Variants in EPHA3 observed in about 807,000 individuals in gnomAD.
The protein encoded by EPHA3 is ephrin type-A receptor 3.
Under a neutral mutation model 107.1 loss-of-function variants are expected in EPHA3, and 42 were observed. The ratio of observed to expected loss-of-function variants is 0.39; its 90% CI spans 0.31 to 0.51. The LOEUF (loss-of-function observed/expected upper bound fraction) is 0.51, where lower values mean the gene tolerates loss of function less well. EPHA3 is among the 20% of genes least tolerant of loss of function. The probability of loss-of-function intolerance (pLI) is 0.78; values close to 1 mark genes in which losing one functional copy is unlikely to be tolerated. For synonymous variants in EPHA3, 461 were observed against 424.8 expected (o/e 1.09, Z -1.05); for missense variants, 1,183 against 1,211.2 (o/e 0.98, Z 0.35).
At chr3:89,357,436 C>T (rs1707991040) in intron 5 of EPHA3, among the ~76,000 whole-genome samples, 2 of 150,780 alleles carry the variant, frequency 1.3e-5, no homozygotes, top group Non-Finnish European at 3.0e-5. Context: ...TTGTGCATAC[C>T]ATAGATATTT....
chr3:89,175,487 C>A (rs1385843937), intron 2 of EPHA3, among the ~76,000 whole-genome samples: 2 of 151,992 alleles, frequency 1.3e-5, no homozygotes, highest in African/African-American at 2.4e-5. Flanking sequence ...TATTAAGACA[C>A]AGGAATTGAT....
In EPHA3 at chr3:89,236,215, T is replaced by A. The variant is rs200408146; in HGVS notation, c.814+25695T>A. On this transcript the variant is annotated intron_variant, in intron 3 of 16. Transcript: ENST00000336596. ...TATCATCTTGAGTAAACTAAGCCTT[T>A]CTTCTCCTAAATATATACCCCCCAA... Among the ~76,000 whole-genome samples the A allele has an allele frequency of 3.9e-5, 6 of 152,158 alleles. No homozygotes were observed. The East Asian group carries it at 1.2e-3, about 29-fold the overall frequency.
chr3:89,272,928 A>G (rs755211983), intron 3 of EPHA3, among the ~76,000 whole-genome samples: 1 of 151,944 alleles, frequency 6.6e-6, no homozygotes, highest in Admixed American at 6.6e-5. Context: ...GAAACCATGT[A>G]TCTCTGGCTT....
At chr3:89,296,637 C>T (rs189491596) in intron 3 of EPHA3, among the ~76,000 whole-genome samples, 87 of 152,216 alleles carry the variant, frequency 5.7e-4, no homozygotes, top group African/African-American at 2.1e-3. Flanking sequence ...TTCAGAATGG[C>T]AAATGTGTGT....
chr3:89,401,614 C>CTT (rs200505489), intron 7 of EPHA3, among the ~76,000 whole-genome samples: 12 of 152,042 alleles, frequency 7.9e-5, no homozygotes, highest in African/African-American at 2.7e-4. Flanking sequence ...CTCAAAATCT[C>CTT]TTTCTTTTTT....
chr3:89,477,408 G>T (rs1156716789), intron 16 of EPHA3, among the ~76,000 whole-genome samples: 2 of 152,146 alleles, frequency 1.3e-5, no homozygotes, highest in Admixed American at 1.3e-4. Flanking sequence ...CAGATGGTAG[G>T]AATTCAGTAG....
intron 2 of EPHA3, among the ~76,000 whole-genome samples, chr3:89,199,664 C>T (rs1705924732): frequency 6.6e-6 from 1 of 152,174 alleles, no homozygotes. Context: ...TCTTCCAAAA[C>T]TATTTTCACC....
At chr3:89,454,573 C>CA (rs1342959996) in intron 15 of EPHA3, among the ~76,000 whole-genome samples, 3 of 152,148 alleles carry the variant, frequency 2.0e-5, no homozygotes, top group African/African-American at 7.2e-5. Context: ...AAACTCCAAA[C>CA]ATTTTTTTTG....
intron 3 of EPHA3, among the ~76,000 whole-genome samples, chr3:89,227,682 C>T (rs1404229834): frequency 6.6e-6 from 1 of 151,854 alleles, no homozygotes. Context: ...ATAGCTTCAC[C>T]TGTGATTTCA....
chr3:89,132,816 A>G (rs917231754), intron 2 of EPHA3, among the ~76,000 whole-genome samples: 1 of 152,138 alleles, frequency 6.6e-6, no homozygotes, highest in Non-Finnish European at 1.5e-5. Context: ...CTTGAGCCCA[A>G]GAGTTCCAGG....
intron 5 of EPHA3, among the ~76,000 whole-genome samples, chr3:89,377,934 C>T (rs1304913119): frequency 1.3e-5 from 2 of 152,024 alleles, no homozygotes; most frequent in African/African-American, 4.8e-5. Context: ...AGTTTAACTA[C>T]CCCTTAATTC....
At chr3:89,245,540 A>G (rs998154300) in intron 3 of EPHA3, among the ~76,000 whole-genome samples, 3 of 152,218 alleles carry the variant, frequency 2.0e-5, no homozygotes, top group African/African-American at 7.2e-5. Flanking sequence ...ATAAAAAGAG[A>G]AAGAGAAATT....
rs1222658503 is a variant in EPHA3 at position 89,241,674 on chromosome 3, A to T, written c.814+31154A>T. ...CCATTTTAAAAATGAGAAAATCTAG[A>T]TGGTTTATCAGTCAGTTTCTTTTAT... On this transcript the variant is annotated intron_variant, in intron 3 of 16. Coordinates refer to ENST00000336596, the MANE Select transcript of EPHA3 (RefSeq NM_005233.6). Among the ~76,000 whole-genome samples the T allele has an allele frequency of 5.9e-5, 9 of 152,246 alleles. No homozygotes were observed. In the South Asian group the frequency reaches 1.7e-3, roughly 28 times the overall value.
chr3:89,127,090 T>C (rs1301952410), intron 1 of EPHA3, 119 bp from the exon 2 acceptor site: 2 of 747,986 alleles, frequency 2.7e-6, no homozygotes, highest in Admixed American at 2.5e-5. Context: ...AGACTTATAA[T>C]GAGAAGGAAG....
chr3:89,146,967 A>C (rs907454868), intron 2 of EPHA3, among the ~76,000 whole-genome samples: 1 of 151,982 alleles, frequency 6.6e-6, no homozygotes, highest in African/African-American at 2.4e-5. Flanking sequence ...CTGGATAAGG[A>C]AAATGTGGTA....
At chr3:89,115,533 G>A (rs1475581315) in intron 1 of EPHA3, among the ~76,000 whole-genome samples, 1 of 152,102 alleles carries the variant, frequency 6.6e-6, no homozygotes. Flanking sequence ...GGCTGTGTTA[G>A]AACTTCAGTC....
At chr3:89,319,540 G>C (rs1437225978) in intron 3 of EPHA3, among the ~76,000 whole-genome samples, 1 of 151,860 alleles carries the variant, frequency 6.6e-6, no homozygotes, top group East Asian at 1.9e-4. Flanking sequence ...ACAAACAGGA[G>C]AGCTGCGTAG....
intron 3 of EPHA3, among the ~76,000 whole-genome samples, chr3:89,300,867 AG>A (rs1385957864): frequency 4.6e-5 from 7 of 152,168 alleles, no homozygotes; most frequent in African/African-American, 1.4e-4. Context: ...CCTGTTCTCT[AG>A]AGATCTCTGA....
At chr3:89,342,182 A>G in intron 5 of EPHA3, 92 bp downstream of exon 5, 2 of 1,141,180 alleles carry the variant, frequency 1.8e-6, no homozygotes, top group Middle Eastern at 2.9e-4. Context: ...AAGGAAAAAA[A>G]GATTTTATAG....
Sources: allele counts gnomAD v4.1 joint callset (sites outside exome capture counted in the v4.1 genomes callset), GRCh38; gene constraint gnomAD v4.1.1; transcripts MANE v1.5; gene names NCBI Gene and HGNC (gene_info 2026-07-23, HGNC 2026-07-21).